Variants in KCNJ12 observed in about 807,000 individuals in gnomAD.
The protein encoded by KCNJ12 is ATP-sensitive inward rectifier potassium channel 12.
A neutral mutation model predicts 22.3 loss-of-function variants in KCNJ12; 2 were observed. The observed-to-expected ratio is 0.09, with a 90% confidence interval of 0.04 to 0.28. KCNJ12 has a LOEUF of 0.28. Among genes scored for constraint, KCNJ12 ranks in the 10% least tolerant of loss-of-function variants. The pLI, the probability that KCNJ12 is intolerant of heterozygous loss-of-function variation, is 1.00. For synonymous variants in KCNJ12, 117 were observed against 261.4 expected, an observed-to-expected ratio of 0.45 and a Z score of 5.33; for missense variants, 155 against 633.3, an observed-to-expected ratio of 0.24 and a Z score of 8.11.
At chr17:21,394,736 G>T (rs1597563976) in intron 1 of KCNJ12, among the ~76,000 whole-genome samples, 1 of 152,324 alleles carries the variant, frequency 6.6e-6, no homozygotes, top group East Asian at 1.9e-4. Flanking sequence ...GTGGCAGAGA[G>T]AAACCCTGGC....
chr17:21,380,633 T>C lies in KCNJ12; in HGVS notation c.-179+3720T>C, dbSNP rs555007246. Among the ~76,000 whole-genome samples, 348 of 151,186 alleles carry C rather than the reference T, an allele frequency of 2.3e-3. 3 individuals are homozygous for C. The highest frequency in any genetic ancestry group is 3.9e-3 in the East Asian group (20 of 5,140). The stretch of plus-strand genomic sequence containing the variant: ...GGGGGTGGGGAGGGGCTGGTCTCAG[T>C]AGAAATGGACGTGTGGAGAGGGGGA... On this transcript the variant is annotated intron_variant, in intron 1 of 2. Transcript: ENST00000583088.
At chr17:21,390,058 G>A (rs1176142534) in intron 1 of KCNJ12, among the ~76,000 whole-genome samples, 1 of 151,860 alleles carries the variant, frequency 6.6e-6, no homozygotes, top group African/African-American at 2.4e-5. Flanking sequence ...CCCCACTCCT[G>A]CCCCATTCTT....
At chr17:21,411,046 C>G (rs1367787855) in intron 2 of KCNJ12, among the ~76,000 whole-genome samples, 1 of 152,310 alleles carries the variant, frequency 6.6e-6, no homozygotes. Flanking sequence ...CTATGTCTTA[C>G]CCTGGGTGAT....
intron 1 of KCNJ12, among the ~76,000 whole-genome samples, chr17:21,407,554 A>C (rs1906031209): frequency 6.7e-6 from 1 of 148,878 alleles, no homozygotes; most frequent in Non-Finnish European, 1.5e-5. Context: ...TCGTCTATCC[A>C]TCCATCCACC....
At chr17:21,405,137 G>C (rs1905856134) in intron 1 of KCNJ12, 1 of 152,522 alleles carries the variant, frequency 6.6e-6, no homozygotes, top group Non-Finnish European at 1.5e-5. Context: ...AGGACATCCA[G>C]CAGGCCACAG....
intron 2 of KCNJ12, among the ~76,000 whole-genome samples, chr17:21,414,213 G>A (rs549465218): frequency 8.1e-4 from 124 of 152,390 alleles, no homozygotes; most frequent in African/African-American, 2.6e-3. Context: ...AACGTCTCAC[G>A]CCTGTAATCC....
In KCNJ12 at chr17:21,376,762, C is replaced by G. The variant is rs1413678193; in HGVS notation, c.-330C>G. 2 of 149,444 alleles carry G rather than the reference C, an allele frequency of 1.3e-5. No homozygotes were observed. The highest frequency in any genetic ancestry group is 3.0e-5 in the Non-Finnish European group (2 of 67,272). The allele number at this position is 149,444 out of a possible 1,614,324, so 9.3% of individuals were successfully genotyped here. A position where few individuals can be genotyped will look rare whatever the true frequency, so the allele number is the denominator to read the frequency against. On this transcript the variant is annotated 5_prime_UTR_variant, in exon 1 of 3. Coordinates refer to ENST00000583088, the MANE Select transcript of KCNJ12 (RefSeq NM_021012.5). This position sits in a 1 kb window ranked among gnomAD's most constrained non-coding sequence, Gnocchi z 5.3. ...AGGGCGATCCGCTTTGCAGAGAAGACGCGCCCCTCGGCATGGAGCGCCCCC... is the reference window on the plus strand; with the variant it reads ...AGGGCGATCCGCTTTGCAGAGAAGAGGCGCCCCTCGGCATGGAGCGCCCCC...
intron 1 of KCNJ12, among the ~76,000 whole-genome samples, chr17:21,390,557 A>C (rs1051825364): frequency 6.6e-6 from 1 of 152,210 alleles, no homozygotes; most frequent in Non-Finnish European, 1.5e-5. Context: ...GGGCGGGGGC[A>C]CAGGGATGGG....
At chr17:21,408,069 G>A (rs1906086357) in intron 1 of KCNJ12, among the ~76,000 whole-genome samples, 1 of 152,066 alleles carries the variant, frequency 6.6e-6, no homozygotes, top group Non-Finnish European at 1.5e-5. Context: ...CTGGCTCCAA[G>A]GTTGGCGTTG....
chr17:21,407,741 A>G (rs1906050218), intron 1 of KCNJ12, among the ~76,000 whole-genome samples: 1 of 151,932 alleles, frequency 6.6e-6, no homozygotes, highest in Non-Finnish European at 1.5e-5. Context: ...CCAACCATCC[A>G]TCCATCCATC....
chr17:21,386,162 C>T (rs1905062210), intron 1 of KCNJ12, among the ~76,000 whole-genome samples: 1 of 152,240 alleles, frequency 6.6e-6, no homozygotes, highest in South Asian at 2.1e-4. Flanking sequence ...ACGTCTGAAA[C>T]CGGTGTCTGC....
intron 1 of KCNJ12, among the ~76,000 whole-genome samples, chr17:21,407,572 T>TACCCATCCATCCATCC (rs1182234966): frequency 8.0e-6 from 1 of 125,338 alleles, no homozygotes; most frequent in African/African-American, 3.1e-5. Context: ...ACCCACCCAT[T>TACCCATCCATCCATCC]ACCCATCCAT....
chr17:21,379,526 C>T (rs545591666), intron 1 of KCNJ12, among the ~76,000 whole-genome samples: 45 of 152,328 alleles, frequency 3.0e-4, no homozygotes, highest in Admixed American at 1.6e-3. Context: ...TGCCCCTCCC[C>T]GGGCCTGCCC....
chr17:21,411,354 G>T (rs1437361539), intron 2 of KCNJ12, among the ~76,000 whole-genome samples: 1 of 152,296 alleles, frequency 6.6e-6, no homozygotes, highest in Middle Eastern at 3.2e-3. Flanking sequence ...AGGCACTGTG[G>T]CCAGCAGGAA....
intron 1 of KCNJ12, among the ~76,000 whole-genome samples, chr17:21,383,504 G>C (rs370753660): frequency 2.0e-5 from 3 of 152,324 alleles, no homozygotes; most frequent in South Asian, 4.1e-4. Context: ...GCTTCCAGGG[G>C]TGCTGGGATC....
chr17:21,411,283 C>A (rs1318564551), intron 2 of KCNJ12, among the ~76,000 whole-genome samples: 1 of 152,312 alleles, frequency 6.6e-6, no homozygotes, highest in Non-Finnish European at 1.5e-5. Context: ...TCTCTAAAAG[C>A]TCCCAGCCCA....
chr17:21,387,689 C>T (rs1453225159), intron 1 of KCNJ12, among the ~76,000 whole-genome samples: 3 of 152,140 alleles, frequency 2.0e-5, no homozygotes, highest in Non-Finnish European at 2.9e-5. Flanking sequence ...GTGTGAACAT[C>T]TAACTGGTAT....
chr17:21,404,650 GC>G (rs1905825206), intron 1 of KCNJ12, among the ~76,000 whole-genome samples: 1 of 152,348 alleles, frequency 6.6e-6, no homozygotes, highest in South Asian at 2.1e-4. Flanking sequence ...ACTTAACGGA[GC>G]CCAGGGATGG....
At chr17:21,403,085 G>T (rs1381271876) in intron 1 of KCNJ12, among the ~76,000 whole-genome samples, 1 of 152,310 alleles carries the variant, frequency 6.6e-6, no homozygotes, top group African/African-American at 2.4e-5. Context: ...AGGAGCAAGG[G>T]ACTTGGGGAA....
Sources: gnomAD v4.1 joint callset for allele counts (sites outside exome capture counted in the v4.1 genomes callset) on GRCh38, gnomAD v4.1.1 for gene constraint, Gnocchi (gnomAD v3.1) non-coding constraint, MANE v1.5 for transcripts, NCBI Gene and HGNC (gene_info 2026-07-23, HGNC 2026-07-21) for gene names.